The following HSPA12A variants were observed in gnomAD, a reference collection of about 807,000 sequenced individuals.
HSPA12A encodes the protein heat shock 70 kDa protein 12A.
In HSPA12A, 28 loss-of-function variants were observed where a neutral mutation model predicts 69.2. The observed-to-expected ratio is 0.40, with a 90% confidence interval of 0.30 to 0.55. The LOEUF (loss-of-function observed/expected upper bound fraction) is 0.55. HSPA12A is among the 20% of genes least tolerant of loss of function. The probability of loss-of-function intolerance (pLI) is 0.38; values close to 1 mark genes in which losing one functional copy is unlikely to be tolerated. For missense variants in HSPA12A, 686 were observed against 900.7 expected, an observed-to-expected ratio of 0.76 and a Z score of 3.05; for synonymous variants, 345 against 370.5, an observed-to-expected ratio of 0.93 and a Z score of 0.79.
At chr10:116,780,090 C>A (rs1554891642) in intron 2 of HSPA12A, among the ~76,000 whole-genome samples, 1 of 152,220 alleles carries the variant, frequency 6.6e-6, no homozygotes. Flanking sequence ...TCCCGTTCAT[C>A]CACAGGGACT....
chr10:116,805,778 C>T (rs1393066148), intron 2 of HSPA12A, among the ~76,000 whole-genome samples: 1 of 152,160 alleles, frequency 6.6e-6, no homozygotes, highest in East Asian at 1.9e-4. Context: ...TTAAGAAGCC[C>T]TTCAACTACA....
upstream of HSPA12A, among the ~76,000 whole-genome samples, chr10:116,747,295 A>G (rs142676900): frequency 8.5e-5 from 13 of 152,370 alleles, no homozygotes; most frequent in South Asian, 2.1e-4. Context: ...ACTGCAATGT[A>G]AACTTTAGAA....
At chr10:116,804,607 T>C (rs1307409464) in intron 2 of HSPA12A, among the ~76,000 whole-genome samples, 1 of 151,932 alleles carries the variant, frequency 6.6e-6, no homozygotes, top group East Asian at 1.9e-4. Context: ...TGGGAGGAAA[T>C]GTTCCTGCGT....
chr10:116,710,432 T>G lies in HSPA12A; in HGVS notation c.41-3147A>C, dbSNP rs1850386782. 6.6e-6 allele frequency among the ~76,000 whole-genome samples: 1 copy of G among 152,152 alleles called. No individual in the cohort carries two copies. Among genetic ancestry groups the G allele is most frequent in the African/African-American group, 2.4e-5 (1 of 41,434 alleles). On this transcript the variant is annotated intron_variant, in intron 1 of 11. Transcript: ENST00000369209. The surrounding 1 kb of genome is among the most constrained non-coding windows in gnomAD (Gnocchi z 4.1). ...AGAGCCCTGGGTCTTCTCACTGATTTGCAAAATAGCCAAGGTTGAGCCACA... is the reference window on the plus strand; with the variant it reads ...AGAGCCCTGGGTCTTCTCACTGATTGGCAAAATAGCCAAGGTTGAGCCACA...
At chr10:116,755,414 C>A (rs973228815) in intron 2 of HSPA12A, among the ~76,000 whole-genome samples, 12 of 151,746 alleles carry the variant, frequency 7.9e-5, no homozygotes, top group Middle Eastern at 3.2e-3. Flanking sequence ...GAGTTCGAGA[C>A]CAGCATGGCC....
intron 1 of HSPA12A, among the ~76,000 whole-genome samples, chr10:116,724,009 G>A (rs969337623): frequency 2.0e-5 from 3 of 152,210 alleles, no homozygotes; most frequent in Admixed American, 6.5e-5. Context: ...AGCACTGGCC[G>A]GAACTTTAGA....
chr10:116,744,065 C>T (rs567818401), upstream of HSPA12A, among the ~76,000 whole-genome samples: 1 of 152,310 alleles, frequency 6.6e-6, no homozygotes, highest in East Asian at 1.9e-4. Flanking sequence ...ACAGCCTGCC[C>T]ACAGCTCCCC....
intron 5 of HSPA12A, among the ~76,000 whole-genome samples, chr10:116,693,988 A>G (rs1278116064): frequency 1.3e-5 from 2 of 152,198 alleles, no homozygotes; most frequent in Non-Finnish European, 2.9e-5. Flanking sequence ...AAAGCAGGTG[A>G]GGGTATGATG....
intron 1 of HSPA12A, among the ~76,000 whole-genome samples, chr10:116,739,947 A>G (rs1407571102): frequency 6.7e-6 from 1 of 148,660 alleles, no homozygotes; most frequent in Non-Finnish European, 1.5e-5. Flanking sequence ...ACCACCCCCC[A>G]ACACCACCTA....
intron 5 of HSPA12A, among the ~76,000 whole-genome samples, chr10:116,697,689 A>G (rs1180037494): frequency 6.6e-6 from 1 of 152,194 alleles, no homozygotes; most frequent in Non-Finnish European, 1.5e-5. Context: ...TTTTACTCAG[A>G]TATAATTTCC....
intron 1 of HSPA12A, among the ~76,000 whole-genome samples, chr10:116,842,055 G>T (rs1845810425): frequency 6.6e-6 from 1 of 152,124 alleles, no homozygotes; most frequent in South Asian, 2.1e-4. Context: ...TAAGGCAGAG[G>T]CAGTCTTTTG....
intron 1 of HSPA12A, among the ~76,000 whole-genome samples, chr10:116,721,680 T>C (rs1672267594): frequency 1.3e-5 from 2 of 151,974 alleles, no homozygotes; most frequent in African/African-American, 4.8e-5. Context: ...TCCCCGGCAC[T>C]GAAATGCAAA....
intron 2 of HSPA12A, among the ~76,000 whole-genome samples, chr10:116,795,500 G>A (rs2906812): frequency 0.82 from 122,121 of 148,562 alleles, 52,033 homozygotes; most frequent in Non-Finnish European, 0.93. Context: ...CCAACATAGC[G>A]AAACCTGCCG....
chr10:116,730,857 C>T (rs993610551), intron 1 of HSPA12A, among the ~76,000 whole-genome samples: 3 of 152,262 alleles, frequency 2.0e-5, no homozygotes, highest in African/African-American at 4.8e-5. Context: ...GGCCTCTGTA[C>T]AGCCTAGGAA....
At chr10:116,683,608 TG>T in intron 7 of HSPA12A, 182 bp downstream of exon 7, 1 of 448,792 alleles carries the variant, frequency 2.2e-6, no homozygotes, top group Non-Finnish European at 3.8e-6. Context: ...CCTCCATTTA[TG>T]GGGGTCCTTG....
At chr10:116,818,542 A>G (rs1447974898) in intron 2 of HSPA12A, among the ~76,000 whole-genome samples, 1 of 152,100 alleles carries the variant, frequency 6.6e-6, no homozygotes, top group Non-Finnish European at 1.5e-5. Flanking sequence ...GTCCCAGGTC[A>G]CCCACTGGTT....
intron 2 of HSPA12A, among the ~76,000 whole-genome samples, chr10:116,815,099 AT>A (rs34886986): frequency 0.38 from 56,661 of 148,080 alleles, 11,026 homozygotes; most frequent in Middle Eastern, 0.47. Context: ...ATCCCTACCC[AT>A]TTTTTTTTTT....
intron 1 of HSPA12A, among the ~76,000 whole-genome samples, chr10:116,727,590 G>A (rs1004226972): frequency 1.3e-5 from 2 of 152,128 alleles, no homozygotes; most frequent in African/African-American, 2.4e-5. Context: ...TCATGATGGT[G>A]TAAAGGCGAT....
intron 1 of HSPA12A, among the ~76,000 whole-genome samples, chr10:116,849,100 A>G (rs1845968609): frequency 6.6e-6 from 1 of 152,056 alleles, no homozygotes; most frequent in Non-Finnish European, 1.5e-5. Context: ...GGGCGGCCTT[A>G]GCAACCCGGA....
Sources: allele counts gnomAD v4.1 joint callset (sites outside exome capture counted in the v4.1 genomes callset), GRCh38; gene constraint gnomAD v4.1.1; non-coding constraint Gnocchi (gnomAD v3.1); transcripts MANE v1.5; gene names NCBI Gene and HGNC (gene_info 2026-07-23, HGNC 2026-07-21).